The following COL5A1 variants were observed in gnomAD, a reference collection of about 807,000 sequenced individuals.
The protein encoded by COL5A1 is collagen alpha-1(V) chain.
Under a neutral mutation model 263.7 loss-of-function variants are expected in COL5A1, and 16 were observed. The ratio of observed to expected loss-of-function variants is 0.06; its 90% confidence interval spans 0.04 to 0.09. The LOEUF (loss-of-function observed/expected upper bound fraction) is 0.09, where lower values mean the gene tolerates loss of function less well. COL5A1 is among the 10% of genes least tolerant of loss of function. COL5A1 has a pLI of 1.00. For missense variants in COL5A1, 2,036 were observed against 2,540.5 expected (o/e 0.80, Z 4.27); for synonymous variants, 1,012 against 1,004.5 (o/e 1.01, Z -0.14).
intron 28 of COL5A1, among the ~76,000 whole-genome samples, chr9:134,782,235 C>A (rs764736349): frequency 1.3e-4 from 20 of 152,196 alleles, no homozygotes; most frequent in African/African-American, 1.7e-4. Context: ...CCGGCAAGAG[C>A]AGGCGTTAGG....
In COL5A1 at chr9:134,772,775, C is replaced by A. The variant is rs771652035; in HGVS notation, c.2287-15C>A. 2 of 1,614,088 alleles carry A rather than the reference C, an allele frequency of 1.2e-6. No homozygotes were observed. The highest frequency in any genetic ancestry group is 1.7e-6 in the Non-Finnish European group (2 of 1,179,990). ...GAGTGGCACTGACTAATCAATGCTTCTTCTTTTGTGACAGGGACACCCTGG... is the reference window on the plus strand; with the variant it reads ...GAGTGGCACTGACTAATCAATGCTTATTCTTTTGTGACAGGGACACCCTGG... On this transcript the variant is annotated splice_polypyrimidine_tract_variant and intron_variant, in intron 25 of 65. Transcript: ENST00000371817.
At chr9:134,792,785 A>ATGTG (rs575047102) in intron 32 of COL5A1, among the ~76,000 whole-genome samples, 7,396 of 46,926 alleles carry the variant, frequency 0.16, 207 homozygotes, top group Non-Finnish European at 0.19. Context: ...GTGTGTACAT[A>ATGTG]TGTGTGTGTG....
chr9:134,796,872 A>G lies in COL5A1; in HGVS notation c.2869A>G (p.Thr957Ala), dbSNP rs768155708. The G allele has an allele frequency of 6.2e-7, 1 of 1,614,010 alleles. No homozygotes were observed. Among genetic ancestry groups the G allele is most frequent in the East Asian group, 2.2e-5 (1 of 44,874 alleles). The change falls in exon 36 of 66, where the codon ACA (threonine) becomes GCA (alanine). Residue 957 changes from threonine (T) to alanine (A), a missense_variant. Physicochemically the swap from Thr to Ala is moderately conservative, Grantham distance 58. Transcript: ENST00000371817. ...GGGACCCAATGGACCCCAAGGACCC[A>G]CAGGATTTCCTGGACCAAAGGGCCC... ...ERGPNGPQGPTGFPGPKGPPG... is the reference protein window; with the variant it reads ...ERGPNGPQGPAGFPGPKGPPG...
At chr9:134,752,791 AG>A (rs1835832222) in intron 14 of COL5A1, 146 bp downstream of exon 14, 1 of 626,636 alleles carries the variant, frequency 1.6e-6, no homozygotes, top group African/African-American at 1.9e-5. Context: ...GAGGGTGGCC[AG>A]GGGGACCAGG....
intron 4 of COL5A1, among the ~76,000 whole-genome samples, chr9:134,707,269 G>C (rs1833868393): frequency 6.6e-6 from 1 of 152,226 alleles, no homozygotes; most frequent in Admixed American, 6.5e-5. Flanking sequence ...AGACCAAACA[G>C]ACTATAAACT....
chr9:134,738,219 C>T (rs11789205), intron 9 of COL5A1, among the ~76,000 whole-genome samples: 58 of 152,176 alleles, frequency 3.8e-4, no homozygotes, highest in Non-Finnish European at 6.3e-4. Flanking sequence ...CTTCTCGTGG[C>T]GCTGGTCTTG....
At chr9:134,801,360 G>A (rs1838106226) in intron 37 of COL5A1, among the ~76,000 whole-genome samples, 1 of 152,256 alleles carries the variant, frequency 6.6e-6, no homozygotes, top group Non-Finnish European at 1.5e-5. Flanking sequence ...AGAGGTAGTC[G>A]CGGGTCCAGA....
chr9:134,776,025 A>C (rs1431630817), intron 27 of COL5A1, among the ~76,000 whole-genome samples: 4 of 152,144 alleles, frequency 2.6e-5, no homozygotes, highest in African/African-American at 9.7e-5. Flanking sequence ...ACTAAAATCG[A>C]GGCTGCTGTC....
intron 61 of COL5A1, 82 bp downstream of exon 61, chr9:134,823,551 T>C: frequency 7.1e-7 from 1 of 1,414,552 alleles, no homozygotes; most frequent in South Asian, 1.2e-5. Context: ...TGTGTGTGTG[T>C]GACCCCTCCT....
At position 134,821,414 on chromosome 9, in the gene COL5A1, A is replaced by T. The variant is rs1045853671; in HGVS notation, c.4555-683A>T. Among the ~76,000 whole-genome samples, 1 of 152,114 alleles carries T rather than the reference A, an allele frequency of 6.6e-6. No homozygotes were observed. The highest frequency in any genetic ancestry group is 1.5e-5 in the Non-Finnish European group (1 of 68,016). On this transcript the variant is annotated intron_variant, in intron 58 of 65. Coordinates refer to ENST00000371817, the MANE Select transcript of COL5A1 (RefSeq NM_000093.5). The surrounding 1 kb of genome is among the most constrained non-coding windows in gnomAD (Gnocchi z 4.2). ...GGAAGCGCTCCCTCCCCAGTGAAAT[A>T]CGGCCATCAGCCCTCCGCTACCCTC...
In COL5A1 at chr9:134,686,871, G is replaced by A. The variant is rs1833096788; in HGVS notation, c.110-4041G>A. Among the ~76,000 whole-genome samples, 1 of 152,162 alleles carries A rather than the reference G, an allele frequency of 6.6e-6. No individual in the cohort carries two copies. Among genetic ancestry groups the A allele is most frequent in the Non-Finnish European group, 1.5e-5 (1 of 68,028 alleles). ...GCCCGTGGCCTTGTGCTGGGCCCAT[G>A]TCCCATAGGTGGTTCCAGGGAGGCT... is the stretch of plus-strand genomic sequence containing the variant. On this transcript the variant is annotated intron_variant, in intron 1 of 65. Transcript: ENST00000371817. The surrounding 1 kb of genome is among the most constrained non-coding windows in gnomAD (Gnocchi z 4.6).
chr9:134,796,559 A>T, intron 35 of COL5A1, 141 bp downstream of exon 35: 1 of 900,686 alleles, frequency 1.1e-6, no homozygotes, highest in South Asian at 1.5e-5. Context: ...TAAGATCCCA[A>T]GGGTGGGTCA....
At position 134,696,781 on chromosome 9, in the gene COL5A1, A is replaced by G. The variant is rs1833485918; in HGVS notation, c.278-3128A>G. ...TGGACTTCAGCAGAAGTAAAAGTGA[A>G]AAGCTCTGGCCGGGCGGGGTGGCTC... On this transcript the variant is annotated intron_variant, in intron 2 of 65. Coordinates refer to ENST00000371817, the MANE Select transcript of COL5A1 (RefSeq NM_000093.5). The surrounding 1 kb of genome is among the most constrained non-coding windows in gnomAD (Gnocchi z 4.3). 6.6e-6 allele frequency among the ~76,000 whole-genome samples: 1 copy of G among 152,116 alleles called. No individual in the cohort carries two copies.
intron 19 of COL5A1, among the ~76,000 whole-genome samples, chr9:134,762,569 C>T (rs1042647803): frequency 3.3e-5 from 5 of 152,152 alleles, no homozygotes; most frequent in African/African-American, 1.2e-4. Flanking sequence ...ATCTCTGGGC[C>T]ACAGCACAGT....
At chr9:134,816,891 G>A (rs1838770664) in intron 52 of COL5A1, 135 bp from the exon 53 acceptor site, 4 of 805,650 alleles carry the variant, frequency 5.0e-6, no homozygotes, top group Non-Finnish European at 8.6e-6. Flanking sequence ...GACCCTCTGT[G>A]CTAGCCCCAA....
At chr9:134,813,244 A>ATG (rs1231078082) in intron 48 of COL5A1, among the ~76,000 whole-genome samples, 2 of 151,828 alleles carry the variant, frequency 1.3e-5, no homozygotes, top group Admixed American at 1.3e-4. Context: ...ACATCGGTGC[A>ATG]TGTGTGTGTG....
chr9:134,777,234 A>T (rs1045669333), intron 27 of COL5A1, among the ~76,000 whole-genome samples: 3 of 152,186 alleles, frequency 2.0e-5, no homozygotes, highest in African/African-American at 7.2e-5. Context: ...CCCAAATATG[A>T]GTTCACATCC....
At chr9:134,667,276 A>T (rs192174509) in intron 1 of COL5A1, among the ~76,000 whole-genome samples, 148 of 152,318 alleles carry the variant, frequency 9.7e-4, no homozygotes, top group African/African-American at 3.2e-3. Flanking sequence ...CATGCATGGC[A>T]CCTGTCCCTA....
At chr9:134,780,023 G>A in intron 27 of COL5A1, 79 bp from the exon 28 acceptor site, 1 of 1,541,518 alleles carries the variant, frequency 6.5e-7, no homozygotes, top group Non-Finnish European at 9.0e-7. Flanking sequence ...AGCTCAGCCT[G>A]TCTTGACACG....
Sources: allele counts gnomAD v4.1 joint callset (sites outside exome capture counted in the v4.1 genomes callset), GRCh38; gene constraint gnomAD v4.1.1; non-coding constraint Gnocchi (gnomAD v3.1); transcripts MANE v1.5; gene names NCBI Gene and HGNC (gene_info 2026-07-23, HGNC 2026-07-21).